The following CADM2 variants were observed in gnomAD, a reference collection of about 807,000 sequenced individuals.
The protein encoded by CADM2 is cell adhesion molecule 2.
CADM2 carries 12 observed loss-of-function variants against 49.8 expected under a neutral mutation model. The ratio of observed to expected loss-of-function variants is 0.24; its 90% CI spans 0.15 to 0.39. CADM2 has a LOEUF of 0.39. CADM2 is among the 10% of genes least tolerant of loss of function. The pLI is 1.00. For missense variants in CADM2, 378 were observed against 492.3 expected (o/e 0.77, Z 2.20); for synonymous variants, 214 against 175.4 (o/e 1.22, Z -1.74).
chr3:86,013,616 C>A (rs1731827370), intron 8 of CADM2: 3 of 1,599,792 alleles, frequency 1.9e-6, no homozygotes, highest in Non-Finnish European at 1.7e-6. Context: ...AATCACACTT[C>A]TTTTCCATTA....
chr3:85,811,465 G>A (rs954402313), intron 3 of CADM2, among the ~76,000 whole-genome samples: 1 of 152,130 alleles, frequency 6.6e-6, no homozygotes. Context: ...TGTGTGATGG[G>A]CACTGTGCCA....
At chr3:85,813,377 C>T (rs972441681) in intron 3 of CADM2, among the ~76,000 whole-genome samples, 1 of 151,984 alleles carries the variant, frequency 6.6e-6, no homozygotes, top group Admixed American at 6.6e-5. Context: ...TATGCTTTGC[C>T]CACTTTTTGA....
intron 8 of CADM2, among the ~76,000 whole-genome samples, chr3:85,981,589 A>G (rs915480720): frequency 6.6e-5 from 10 of 151,686 alleles, no homozygotes; most frequent in African/African-American, 2.2e-4. Flanking sequence ...GCTCTGACTT[A>G]TAAGTGAGAA....
intron 1 of CADM2, among the ~76,000 whole-genome samples, chr3:85,482,100 T>A (rs1462036841): frequency 6.6e-6 from 1 of 151,722 alleles, no homozygotes; most frequent in Non-Finnish European, 1.5e-5. Flanking sequence ...ATTGAAAATG[T>A]TTACCGAAAT....
chr3:85,570,141 G>A (rs1318101327), intron 1 of CADM2, among the ~76,000 whole-genome samples: 1 of 152,112 alleles, frequency 6.6e-6, no homozygotes, highest in Non-Finnish European at 1.5e-5. Flanking sequence ...CCTAAGGATA[G>A]TCATTGGAAA....
At chr3:85,409,166 C>T (rs1387341584) in intron 1 of CADM2, among the ~76,000 whole-genome samples, 2 of 152,122 alleles carry the variant, frequency 1.3e-5, no homozygotes, top group Non-Finnish European at 2.9e-5. Flanking sequence ...ATTTTCAACT[C>T]ATTTCCATTT....
intron 8 of CADM2, among the ~76,000 whole-genome samples, chr3:86,016,366 T>C (rs750201008): frequency 1.3e-5 from 2 of 152,164 alleles, no homozygotes; most frequent in African/African-American, 4.8e-5. Flanking sequence ...TACCAATCTA[T>C]CTCTTAAAAG....
chr3:84,987,186 C>G (rs1054942459), intron 1 of CADM2, among the ~76,000 whole-genome samples: 4 of 151,956 alleles, frequency 2.6e-5, no homozygotes, highest in African/African-American at 9.7e-5. Flanking sequence ...GTAGCCTGGC[C>G]CAGGCTGGAG....
intron 1 of CADM2, among the ~76,000 whole-genome samples, chr3:85,081,233 A>T (rs2037152903): frequency 6.6e-6 from 1 of 152,124 alleles, no homozygotes. Context: ...TGTCTGTTTC[A>T]TCAGACAAAT....
intron 8 of CADM2, among the ~76,000 whole-genome samples, chr3:86,003,605 T>C (rs941925278): frequency 2.0e-5 from 3 of 152,238 alleles, no homozygotes. Context: ...AAAAAACTTA[T>C]CTATTAGTAT....
intron 1 of CADM2, among the ~76,000 whole-genome samples, chr3:85,536,213 GA>G (rs2061418682): frequency 6.6e-6 from 1 of 151,786 alleles, no homozygotes; most frequent in South Asian, 2.1e-4. Context: ...GAGAAGATTA[GA>G]AAAATAAAAG....
intron 3 of CADM2, among the ~76,000 whole-genome samples, chr3:85,805,996 C>A (rs553581936): frequency 5.3e-5 from 8 of 152,242 alleles, no homozygotes; most frequent in Non-Finnish European, 7.3e-5. Context: ...ACACAGTCTT[C>A]CAGCGGTATG....
chr3:85,227,983 T>C (rs1185579472), intron 1 of CADM2, among the ~76,000 whole-genome samples: 1 of 152,094 alleles, frequency 6.6e-6, no homozygotes, highest in African/African-American at 2.4e-5. Context: ...TTCTGGCTTA[T>C]AGAGTTTCTG....
intron 1 of CADM2, among the ~76,000 whole-genome samples, chr3:85,369,202 AGGATTAATGATGGCGAATT>A (rs2033015374): frequency 6.6e-6 from 1 of 152,242 alleles, no homozygotes; most frequent in South Asian, 2.1e-4. Context: ...AAGATTTTCA[AGGATTAATGATGGCGAATT>A]GTACCACAGT....
At chr3:85,280,219 A>G (rs1054079418) in intron 1 of CADM2, among the ~76,000 whole-genome samples, 2 of 151,548 alleles carry the variant, frequency 1.3e-5, no homozygotes, top group African/African-American at 4.8e-5. Context: ...AATTCACTCT[A>G]TTTTTATTGT....
Position 85,539,577 on chromosome 3 carries a change from C to T in CADM2, c.62-186945C>T, listed in dbSNP as rs114935007. Among the ~76,000 whole-genome samples the T allele has an allele frequency of 8.9e-3, 1,350 of 152,138 alleles. 20 individuals carry two copies. The highest frequency in any genetic ancestry group is 0.03 in the African/African-American group (1,226 of 41,520). On this transcript the variant is annotated intron_variant, in intron 1 of 9. Transcript: ENST00000383699. ...AATTTTAATATATTTATCTTTAGTT[C>T]TATTCTGTTGGAACAACACCAGGTA...
chr3:85,305,519 C>T (rs1054568190), intron 1 of CADM2, among the ~76,000 whole-genome samples: 11 of 151,450 alleles, frequency 7.3e-5, no homozygotes, highest in Admixed American at 2.0e-4. Context: ...TGAAGGATTC[C>T]ACAACTAAAT....
intron 1 of CADM2, among the ~76,000 whole-genome samples, chr3:85,687,420 A>C (rs1273660982): frequency 6.6e-6 from 1 of 152,172 alleles, no homozygotes; most frequent in Non-Finnish European, 1.5e-5. Flanking sequence ...TGTGGAGAGA[A>C]AAACGATGAT....
chr3:85,427,764 A>G (rs1010837972), intron 1 of CADM2, among the ~76,000 whole-genome samples: 3 of 152,136 alleles, frequency 2.0e-5, no homozygotes, highest in African/African-American at 7.2e-5. Flanking sequence ...GAATCCGTTT[A>G]AATCTCTGTG....
Sources: gnomAD v4.1 joint callset for allele counts (sites outside exome capture counted in the v4.1 genomes callset) on GRCh38, gnomAD v4.1.1 for gene constraint, MANE v1.5 for transcripts, NCBI Gene and HGNC (gene_info 2026-07-23, HGNC 2026-07-21) for gene names.